AHCTF1: variants seen among roughly 807,000 people sequenced by gnomAD.
AHCTF1 encodes protein ELYS.
Under a neutral mutation model 248.4 loss-of-function variants are expected in AHCTF1, and 24 were observed. That is an observed-to-expected ratio of 0.10 (90% CI 0.07 to 0.14). The LOEUF is 0.14. AHCTF1 is among the 10% of genes least tolerant of loss of function. AHCTF1 has a pLI of 1.00. For synonymous variants in AHCTF1, 786 were observed against 929.8 expected (o/e 0.85, Z 2.81); for missense variants, 2,206 against 2,636.2 (o/e 0.84, Z 3.57).
At chr1:246,876,550 C>A (rs574563584) in intron 23 of AHCTF1, among the ~76,000 whole-genome samples, 1 of 152,304 alleles carries the variant, frequency 6.6e-6, no homozygotes, top group South Asian at 2.1e-4. Context: ...CAGAGTGTGT[C>A]CCAAGCACAC....
In AHCTF1 at chr1:246,849,641, G is replaced by C. The variant is rs146913959; in HGVS notation, c.6365C>G (p.Ala2122Gly). 12 of 1,609,664 alleles carry C rather than the reference G, an allele frequency of 7.5e-6. No homozygotes were observed. Among genetic ancestry groups the C allele is most frequent in the South Asian group, 2.2e-5 (2 of 90,864 alleles). The change falls in exon 33 of 36, where the codon GCG (alanine) becomes GGG (glycine). Residue 2122 changes from alanine to glycine, a missense_variant. Ala to Gly is a moderately conservative substitution (Grantham distance 60). Transcript: ENST00000648844. ...EPNNEPLFSP[A>G]SEVPRKAKAK... ...TTTTGCTTTCCTTGGAACTTCTGAC[G>C]CTGGAGAAAATAAAGGCTCATTGTT... is the stretch of plus-strand genomic sequence containing the variant.
intron 1 of AHCTF1, chr1:246,931,159 A>C (rs1214002461): frequency 2.6e-6 from 4 of 1,550,216 alleles, no homozygotes; most frequent in Non-Finnish European, 3.5e-6. Context: ...TGTGGAACAC[A>C]CGCCAACACA....
In AHCTF1 at chr1:246,898,297, C is replaced by T; in HGVS notation, c.1534G>A (p.Glu512Lys). 9.9e-6 allele frequency: 16 copies of T among 1,613,174 alleles called. No homozygotes were observed. Among genetic ancestry groups the T allele is most frequent in the Non-Finnish European group, 1.4e-5 (16 of 1,179,842 alleles). The change falls in exon 12 of 36, where the codon GAA becomes AAA. Residue 512 changes from glutamate to lysine, a missense_variant. Transcript: ENST00000648844. ...FLKKSGPSLN[E>K]LIPDGYNRCL... ...CGATTATAACCATCAGGAATGAGTT[C>T]ATTGAGTGATGGACCTGATTTCTTT...
chr1:246,852,381 TTTTTA>T (rs1660773515), intron 32 of AHCTF1, among the ~76,000 whole-genome samples: 1 of 94,386 alleles, frequency 1.1e-5, no homozygotes, highest in African/African-American at 3.2e-5. Flanking sequence ...AAGAGTTGGT[TTTTTA>T]TCCAAATTTC....
At chr1:246,851,700 A>G (rs1003675221) in intron 32 of AHCTF1, among the ~76,000 whole-genome samples, 1 of 152,214 alleles carries the variant, frequency 6.6e-6, no homozygotes, top group African/African-American at 2.4e-5. Flanking sequence ...CTAAAAAGAC[A>G]GTCAACAAAA....
intron 5 of AHCTF1, among the ~76,000 whole-genome samples, chr1:246,906,923 T>C (rs985273403): frequency 1.3e-5 from 2 of 152,182 alleles, no homozygotes; most frequent in African/African-American, 4.8e-5. Context: ...AGATGATGAT[T>C]AGGAAGGTAC....
chr1:246,910,051 TG>T (rs1665692422), intron 4 of AHCTF1, among the ~76,000 whole-genome samples: 1 of 152,256 alleles, frequency 6.6e-6, no homozygotes, highest in Non-Finnish European at 1.5e-5. Flanking sequence ...AGACACTATG[TG>T]TCTCCTGATG....
At chr1:246,875,040 CTTATA>C (rs76559260) in intron 24 of AHCTF1, among the ~76,000 whole-genome samples, 39,819 of 151,866 alleles carry the variant, frequency 0.26, 5,278 homozygotes, top group Admixed American at 0.3. Context: ...AGGCCAACAA[CTTATA>C]TTATAGATAA....
chr1:246,929,370 T>C (rs746412004), intron 1 of AHCTF1, among the ~76,000 whole-genome samples: 4 of 151,946 alleles, frequency 2.6e-5, no homozygotes, highest in Admixed American at 6.6e-5. Flanking sequence ...GATCACGCCA[T>C]TGCACTCTAG....
intron 19 of AHCTF1, 49 bp from the exon 20 acceptor site, chr1:246,887,406 C>CT (rs1197893099): frequency 6.5e-7 from 1 of 1,535,584 alleles, no homozygotes; most frequent in Non-Finnish European, 8.8e-7. Flanking sequence ...CAAAAACCTC[C>CT]TACGTATATA....
chr1:246,909,982 TA>T (rs1359379422), intron 4 of AHCTF1, among the ~76,000 whole-genome samples: 2 of 152,154 alleles, frequency 1.3e-5, no homozygotes, highest in Non-Finnish European at 2.9e-5. Flanking sequence ...TGACAGACTT[TA>T]AAAAGGAAGG....
In AHCTF1 at chr1:246,840,889, C is replaced by G. The variant is rs539062848; in HGVS notation, c.6718G>C (p.Glu2240Gln). The G allele has an allele frequency of 6.2e-7, 1 of 1,613,566 alleles. No homozygotes were observed. The highest frequency in any genetic ancestry group is 1.3e-5 in the African/African-American group (1 of 74,998). Reference protein sequence around the residue: ...GVKSKPRKTTEVTGTGLGRNR... With the variant: ...GVKSKPRKTTQVTGTGLGRNR... The stretch of plus-strand genomic sequence containing the variant: ...CTTCCAAGACCTGTTCCTGTCACTT[C>G]TGTAGTTTTTCTTGGTTTGCTCTTG... The change falls in exon 36 of 36, where the codon GAA becomes CAA. Residue 2240 changes from glutamate (E) to glutamine (Q), a missense_variant. This residue lies in a region of AHCTF1 where 469 missense variants were observed against 470.0 expected (regional missense o/e 1.00). Coordinates refer to ENST00000648844, the MANE Select transcript of AHCTF1 (RefSeq NM_001323342.2).
intron 1 of AHCTF1, chr1:246,931,229 C>G (rs1437513342): frequency 2.7e-5 from 42 of 1,550,028 alleles, no homozygotes; most frequent in Admixed American, 2.0e-4. Flanking sequence ...GAGTCCATCG[C>G]GTGGGAGAAC....
At chr1:246,853,022 A>G (rs1426558483) in intron 32 of AHCTF1, 69 bp downstream of exon 32, 7 of 1,165,572 alleles carry the variant, frequency 6.0e-6, no homozygotes, top group Non-Finnish European at 8.5e-6. Flanking sequence ...GATTTGAACT[A>G]CTGTGTCTTG....
chr1:246,882,531 T>C (rs1341898251), intron 21 of AHCTF1, among the ~76,000 whole-genome samples: 1 of 152,186 alleles, frequency 6.6e-6, no homozygotes, highest in Non-Finnish European at 1.5e-5. Context: ...TAAGGTGCTA[T>C]GTGGGACATT....
At chr1:246,915,152 A>G (rs1417847106) in intron 3 of AHCTF1, among the ~76,000 whole-genome samples, 1 of 152,088 alleles carries the variant, frequency 6.6e-6, no homozygotes, top group Non-Finnish European at 1.5e-5. Flanking sequence ...CAACAGGGTG[A>G]AACCCCATCT....
chr1:246,911,174 T>C (rs901229644), intron 4 of AHCTF1, among the ~76,000 whole-genome samples: 6 of 152,186 alleles, frequency 3.9e-5, no homozygotes, highest in Non-Finnish European at 7.3e-5. Flanking sequence ...ACCTCTGAAA[T>C]GAAGGATGTT....
intron 1 of AHCTF1, chr1:246,931,018 G>A: frequency 2.1e-6 from 3 of 1,402,362 alleles, no homozygotes; most frequent in Admixed American, 2.8e-5. Flanking sequence ...GGAAGGCAAA[G>A]CACCCCAAGA....
chr1:246,861,313 G>A lies in AHCTF1; in HGVS notation c.3736-18C>T. The A allele has an allele frequency of 1.3e-6, 2 of 1,576,514 alleles. No individual in the cohort carries two copies. Among genetic ancestry groups the A allele is most frequent in the Non-Finnish European group, 1.7e-6 (2 of 1,158,426 alleles). On this transcript the variant is annotated intron_variant, in intron 28 of 35. Transcript: ENST00000648844. ...TCTGCAGCCTGTAAAGTAAGATTTT[G>A]AAAAGAAAAAAATTAGTAAATATCA...
Sources: gnomAD v4.1 joint callset for allele counts (sites outside exome capture counted in the v4.1 genomes callset) on GRCh38, gnomAD v4.1.1 for gene constraint, gnomAD v4.1.1 regional missense constraint, MANE v1.5 for transcripts, NCBI Gene and HGNC (gene_info 2026-07-23, HGNC 2026-07-21) for gene names.